The following ASCC1 variants were observed in gnomAD, a reference collection of about 807,000 sequenced individuals.
ASCC1 encodes activating signal cointegrator 1 complex subunit 1, also known as ASC-1 complex subunit P50.
ASCC1 carries 35 observed loss-of-function variants against 46.6 expected under a neutral mutation model. That is an observed-to-expected ratio of 0.75 (90% confidence interval 0.57 to 0.99). The LOEUF (loss-of-function observed/expected upper bound fraction) is 0.99, where lower values mean the gene tolerates loss of function less well. Ranked by LOEUF, ASCC1 falls within the 50% of genes least tolerant of loss-of-function variation. ASCC1 has a pLI of 0.00. For synonymous variants in ASCC1, 143 were observed against 146.6 expected (o/e 0.98, Z 0.18); for missense variants, 376 against 428.7 (o/e 0.88, Z 1.09).
intron 9 of ASCC1, among the ~76,000 whole-genome samples, chr10:72,104,249 C>T (rs931815151): frequency 3.3e-5 from 5 of 152,134 alleles, no homozygotes; most frequent in African/African-American, 1.2e-4. Flanking sequence ...CTGACCCAGA[C>T]AACTCCCAAA....
At position 72,207,203 on chromosome 10, in the gene ASCC1, T is replaced by C. The variant is rs181627070; in HGVS notation, c.212+3529A>G. The stretch of plus-strand genomic sequence containing the variant: ...GAGGCAGGCAGATCACCTGAGGTCA[T>C]GAGTTCAAGACCAGCCTGACCAACA... On this transcript the variant is annotated intron_variant, in intron 3 of 9. Transcript: ENST00000672957. Among the ~76,000 whole-genome samples the C allele has an allele frequency of 6.9e-4, 105 of 152,200 alleles. 1 individual carries two copies. In the East Asian group the frequency reaches 0.015, roughly 22 times the overall value.
At chr10:72,118,090 G>A (rs958436146) in intron 9 of ASCC1, among the ~76,000 whole-genome samples, 6 of 152,152 alleles carry the variant, frequency 3.9e-5, no homozygotes, top group African/African-American at 9.7e-5. Context: ...ATTTTCGGCC[G>A]GACATGGTGG....
chr10:72,135,340 T>A (rs1003924070), intron 7 of ASCC1, among the ~76,000 whole-genome samples: 3 of 150,278 alleles, frequency 2.0e-5, no homozygotes, highest in Non-Finnish European at 4.4e-5. Flanking sequence ...AGAGAGGGAG[T>A]AGAGTGTGAA....
At chr10:72,174,496 C>A (rs1325715484) in intron 5 of ASCC1, among the ~76,000 whole-genome samples, 1 of 152,140 alleles carries the variant, frequency 6.6e-6, no homozygotes, top group African/African-American at 2.4e-5. Context: ...CCAGAGCTGT[C>A]AGCAAGTAGA....
chr10:72,123,456 G>A lies in ASCC1; in HGVS notation c.957+4626C>T, dbSNP rs1042330467. Among the ~76,000 whole-genome samples the A allele has an allele frequency of 2.6e-5, 4 of 152,224 alleles. 1 individual carries two copies. On this transcript the variant is annotated intron_variant, in intron 9 of 9. Coordinates refer to ENST00000672957, the MANE Select transcript of ASCC1 (RefSeq NM_001198800.3). ...GGACCATGGGTGATGATGTGTCAAT[G>A]TGGCCTATCGATTTTAAAGATGTAC...
At chr10:72,158,300 C>T (rs17726488) in intron 6 of ASCC1, among the ~76,000 whole-genome samples, 4,086 of 152,270 alleles carry the variant, frequency 0.027, 65 homozygotes, top group Middle Eastern at 0.092. Context: ...TTTGTTCACG[C>T]GTATTTTCTC....
intron 3 of ASCC1, chr10:72,204,570 C>G: frequency 6.5e-7 from 1 of 1,528,548 alleles, no homozygotes. Flanking sequence ...ACAGGGCTAT[C>G]AAGTTAAGAA....
Position 72,128,029 on chromosome 10 carries a change from C to CTAA in ASCC1, c.957+52_957+53insTTA. 1.0e-5 allele frequency: 14 copies of CTAA among 1,361,092 alleles called. No individual in the cohort carries two copies. The South Asian group carries it at 1.6e-4, about 16-fold the overall frequency. 84.3% of individuals were successfully genotyped at this position (1,361,092 alleles called of 1,614,324 possible). The stretch of plus-strand genomic sequence containing the variant: ...TACGGAGAACTACTTGTTTTCCTGC[C>CTAA]TTATTTAGGACATGTGCCAAAGGAT... On this transcript the variant is annotated intron_variant, in intron 9 of 9. Coordinates refer to ENST00000672957, the MANE Select transcript of ASCC1 (RefSeq NM_001198800.3).
intron 6 of ASCC1, among the ~76,000 whole-genome samples, chr10:72,156,421 T>C (rs761744100): frequency 6.6e-6 from 1 of 152,200 alleles, no homozygotes; most frequent in Non-Finnish European, 1.5e-5. Context: ...AACAGCATAA[T>C]ACACATGCTA....
intron 7 of ASCC1, among the ~76,000 whole-genome samples, chr10:72,141,066 T>C (rs545793709): frequency 1.1e-4 from 17 of 150,886 alleles, no homozygotes; most frequent in Admixed American, 9.2e-4. Flanking sequence ...GATAGATAGA[T>C]AGATAGATAG....
At chr10:72,163,699 C>T (rs372698934) in intron 5 of ASCC1, among the ~76,000 whole-genome samples, 5 of 151,790 alleles carry the variant, frequency 3.3e-5, no homozygotes, top group African/African-American at 1.2e-4. Flanking sequence ...CGCACCACTG[C>T]ACTCCAGCCT....
At chr10:72,143,548 T>C in intron 7 of ASCC1, among the ~76,000 whole-genome samples, 1 of 150,658 alleles carries the variant, frequency 6.6e-6, no homozygotes, top group Non-Finnish European at 1.5e-5. Flanking sequence ...GGTAACCTTG[T>C]TTTATCTCTG....
At chr10:72,117,049 C>T (rs1843571080) in intron 9 of ASCC1, among the ~76,000 whole-genome samples, 2 of 152,218 alleles carry the variant, frequency 1.3e-5, no homozygotes, top group Admixed American at 1.3e-4. Context: ...TCTCCTGCCT[C>T]AGCCTCCCAA....
rs1470395465 is a variant in ASCC1, at chr10:72,112,901, AC to A, written c.957+15180del. ...TCCAAAAAAAAAAAAAAAAAAAAAA[AC>A]CCCAACATACAATGGACCCAAAGTG... On this transcript the variant is annotated intron_variant, in intron 9 of 9. Transcript: ENST00000672957. Among the ~76,000 whole-genome samples, 451 of 132,276 alleles carry A rather than the reference AC, an allele frequency of 3.4e-3. 2 individuals carry two copies. The highest frequency in any genetic ancestry group is 0.013 in the African/African-American group (419 of 33,358). The allele number at this position is 132,276 out of a possible 152,430, so 86.8% of individuals were successfully genotyped here.
At chr10:72,172,773 AT>A (rs71482507) in intron 5 of ASCC1, among the ~76,000 whole-genome samples, 52,537 of 132,462 alleles carry the variant, frequency 0.4, 11,757 homozygotes, top group Non-Finnish European at 0.51. Flanking sequence ...TATATATTAT[AT>A]TTTTTATATT....
intron 5 of ASCC1, among the ~76,000 whole-genome samples, chr10:72,172,414 C>CAAA (rs1041390323): frequency 2.2e-4 from 9 of 40,138 alleles, no homozygotes; most frequent in Non-Finnish European, 2.4e-4. Context: ...AACTCAGTCT[C>CAAA]AAAAAAAAAA....
In ASCC1 at chr10:72,196,894, AG is replaced by A. The variant is rs764385166; in HGVS notation, c.405del (p.Phe136SerfsTer16). On this transcript the variant is annotated frameshift_variant, in exon 5 of 10. Coordinates refer to ENST00000672957, the MANE Select transcript of ASCC1 (RefSeq NM_001198800.3). LOFTEE classifies it high-confidence loss of function. ...DTFRRKQPFT[H>X]FLAFFLNEVE... ...ACTTCATTGAGGAAAAAGGCAAGGA[AG>A]TGAGTGAAGGGCTGCTTTCTTCGAA... 1 of 1,613,666 alleles carries A rather than the reference AG, an allele frequency of 6.2e-7. No individual in the cohort carries two copies. Among genetic ancestry groups the A allele is most frequent in the Non-Finnish European group, 8.5e-7 (1 of 1,180,014 alleles).
At chr10:72,214,391 T>C (rs1301930246) in intron 1 of ASCC1, among the ~76,000 whole-genome samples, 1 of 136,818 alleles carries the variant, frequency 7.3e-6, no homozygotes, top group Non-Finnish European at 1.5e-5. Flanking sequence ...TTTTTTTTTT[T>C]TGAGACGGTG....
chr10:72,157,176 TAAGA>T lies in ASCC1; in HGVS notation c.627-4192_627-4189del, dbSNP rs1849088517. Among the ~76,000 whole-genome samples the T allele has an allele frequency of 2.0e-5, 3 of 152,132 alleles. No individual in the cohort carries two copies. In the East Asian group the frequency reaches 5.8e-4, roughly 29 times the overall value. ...TAAGTCTTCCTATAGCCACCTCTAA[TAAGA>T]AGTGAAATGTTTCAAAACACAAGCC... On this transcript the variant is annotated intron_variant, in intron 6 of 9. Transcript: ENST00000672957.
Sources: gnomAD v4.1 joint callset for allele counts (sites outside exome capture counted in the v4.1 genomes callset) on GRCh38, gnomAD v4.1.1 for gene constraint, MANE v1.5 for transcripts, NCBI Gene and HGNC (gene_info 2026-07-23, HGNC 2026-07-21) for gene names.